The following CALCOCO2 variants were observed in gnomAD, a reference collection of about 807,000 sequenced individuals.
CALCOCO2 encodes the protein calcium-binding and coiled-coil domain-containing protein 2.
In CALCOCO2, 42 loss-of-function variants were observed where a neutral mutation model predicts 62.5. That is an observed-to-expected ratio of 0.67 (90% CI 0.53 to 0.87). CALCOCO2 has a LOEUF of 0.87. Ranked by LOEUF, CALCOCO2 falls within the 40% of genes least tolerant of loss-of-function variation. The pLI, the probability that CALCOCO2 is intolerant of heterozygous loss-of-function variation, is 0.00. For synonymous variants in CALCOCO2, 167 were observed against 173.0 expected (o/e 0.97, Z 0.27); for missense variants, 456 against 515.0 (o/e 0.89, Z 1.11).
At chr17:48,846,415 C>T in intron 2 of CALCOCO2, 8 of 1,031,074 alleles carry the variant, frequency 7.8e-6, no homozygotes, top group Non-Finnish European at 1.2e-5. Context: ...AGTGTATAAT[C>T]CTATGCTTCA....
chr17:48,859,975 T>TC (rs1462755239), intron 10 of CALCOCO2, among the ~76,000 whole-genome samples: 2 of 152,122 alleles, frequency 1.3e-5, no homozygotes, highest in East Asian at 3.9e-4. Flanking sequence ...GTGCCTGTAA[T>TC]CCCAGCTACT....
intron 2 of CALCOCO2, among the ~76,000 whole-genome samples, chr17:48,847,281 G>C (rs745669088): frequency 4.9e-4 from 74 of 152,112 alleles, no homozygotes; most frequent in Non-Finnish European, 8.5e-4. Context: ...TATATGACAA[G>C]GCTTAATTGG....
At chr17:48,850,546 G>T (rs1001851955) in intron 5 of CALCOCO2, among the ~76,000 whole-genome samples, 3 of 152,000 alleles carry the variant, frequency 2.0e-5, no homozygotes, top group African/African-American at 7.2e-5. Flanking sequence ...TTAAAAATGT[G>T]CCTCCTAAGA....
At chr17:48,857,996 ATAG>A (rs376420167) in intron 10 of CALCOCO2, among the ~76,000 whole-genome samples, 2 of 19,858 alleles carry the variant, frequency 1.0e-4, no homozygotes, top group East Asian at 2.0e-3. Context: ...ATAGAATAGA[ATAG>A]AATAGAATAG....
chr17:48,833,016 A>G (rs918896102), intron 1 of CALCOCO2, among the ~76,000 whole-genome samples: 4 of 152,130 alleles, frequency 2.6e-5, no homozygotes, highest in African/African-American at 9.7e-5. Flanking sequence ...ACATTTTCAT[A>G]TTTTAGGTAA....
chr17:48,858,071 G>GAATAGAATAGAATAC (rs1311782459), intron 10 of CALCOCO2, among the ~76,000 whole-genome samples: 2 of 144,944 alleles, frequency 1.4e-5, no homozygotes, highest in South Asian at 2.3e-4. Flanking sequence ...GAATAGAATA[G>GAATAGAATAGAATAC]AATTTTACCA....
At chr17:48,838,800 A>G (rs1248579185) in intron 1 of CALCOCO2, among the ~76,000 whole-genome samples, 1 of 152,152 alleles carries the variant, frequency 6.6e-6, no homozygotes, top group East Asian at 1.9e-4. Flanking sequence ...AATTTGTAAG[A>G]TATTATATAG....
chr17:48,859,870 G>A (rs781085838), intron 10 of CALCOCO2, among the ~76,000 whole-genome samples: 2 of 152,044 alleles, frequency 1.3e-5, no homozygotes, highest in African/African-American at 4.8e-5. Context: ...CAAGGCGGGC[G>A]GATCACTTGT....
At chr17:48,849,402 C>T in intron 5 of CALCOCO2, 25 bp downstream of exon 5, 1 of 1,606,526 alleles carries the variant, frequency 6.2e-7, no homozygotes, top group Non-Finnish European at 8.5e-7. Flanking sequence ...TATAGGTGAC[C>T]TTGGAGCATG....
chr17:48,852,510 A>T lies in CALCOCO2; in HGVS notation c.707A>T (p.Gln236Leu), dbSNP rs780693933. The T allele has an allele frequency of 6.2e-7, 1 of 1,613,086 alleles. No homozygotes were observed. Among genetic ancestry groups the T allele is most frequent in the Non-Finnish European group, 8.5e-7 (1 of 1,179,502 alleles). ...TGTTCACTATTTTTGTTTTAGGCCC[A>T]GCTGTCAACTCAAGAGAAAGAAATG... ...MGIRVDQLQA[Q>L]LSTQEKEMEK... The change falls in exon 8 of 13, where the codon CAG becomes CTG. Residue 236 changes from glutamine (Q) to leucine (L), a missense_variant. Around this residue, in one of 3 missense-constraint regions of CALCOCO2, gnomAD observed 236 missense variants for 225.3 expected, o/e 1.05. Transcript: ENST00000258947.
intron 4 of CALCOCO2, 48 bp downstream of exon 4, chr17:48,848,503 A>G: frequency 6.4e-7 from 1 of 1,553,912 alleles, no homozygotes; most frequent in Non-Finnish European, 8.9e-7. Context: ...TACGGGTAGC[A>G]ATATAGGATA....
rs891545835 is a variant in CALCOCO2 at position 48,863,998 on chromosome 17, T to C, written c.*993T>C. 6.6e-6 allele frequency: 1 copy of C among 151,782 alleles called. No individual in the cohort carries two copies. The highest frequency in any genetic ancestry group is 2.4e-5 in the African/African-American group (1 of 41,260). 9.4% of individuals were successfully genotyped at this position (151,782 alleles called of 1,614,324 possible). A position where few individuals can be genotyped will look rare whatever the true frequency, so the allele number is the denominator to read the frequency against. Reference sequence around the variant, plus strand: ...ATAAAAAAGAGTGTCCTGGCAGTTATCTTGAGGTGGGGAAGGAGGTGATGA... The same window carrying C: ...ATAAAAAAGAGTGTCCTGGCAGTTACCTTGAGGTGGGGAAGGAGGTGATGA... On this transcript the variant is annotated 3_prime_UTR_variant, in exon 13 of 13. Coordinates refer to ENST00000258947, the MANE Select transcript of CALCOCO2 (RefSeq NM_005831.5).
intron 1 of CALCOCO2, among the ~76,000 whole-genome samples, chr17:48,832,982 A>G (rs2039837750): frequency 6.6e-6 from 1 of 152,228 alleles, no homozygotes; most frequent in Non-Finnish European, 1.5e-5. Context: ...CCTGGGGTGT[A>G]AAATTTTTGT....
At chr17:48,845,590 G>A (rs1294172840) in intron 2 of CALCOCO2, among the ~76,000 whole-genome samples, 4 of 151,706 alleles carry the variant, frequency 2.6e-5, no homozygotes, top group Non-Finnish European at 2.9e-5. Context: ...TTAGCCAGGC[G>A]TGGTGGCACA....
At chr17:48,847,597 A>T (rs967788354) in intron 2 of CALCOCO2, 2 of 152,462 alleles carry the variant, frequency 1.3e-5, no homozygotes, top group African/African-American at 4.8e-5. Context: ...ATAAAAAATT[A>T]AAAAAGGTTT....
At chr17:48,855,554 C>G (rs952954988) in intron 9 of CALCOCO2, among the ~76,000 whole-genome samples, 1 of 152,208 alleles carries the variant, frequency 6.6e-6, no homozygotes, top group Non-Finnish European at 1.5e-5. Flanking sequence ...ACCCATCACA[C>G]TGGGTTGCTT....
chr17:48,838,428 A>G (rs1379463665), intron 1 of CALCOCO2, among the ~76,000 whole-genome samples: 4 of 151,930 alleles, frequency 2.6e-5, no homozygotes, highest in Non-Finnish European at 5.9e-5. Context: ...ATAAGACAAC[A>G]TGAGGGGTGG....
chr17:48,860,425 C>CTTGCCTGGATGGG lies in CALCOCO2; in HGVS notation c.1126_1127insGGATGGGTTGCCT (p.Tyr376TrpfsTer33). The CTTGCCTGGATGGG allele has an allele frequency of 6.2e-7, 1 of 1,614,026 alleles. No homozygotes were observed. The highest frequency in any genetic ancestry group is 8.5e-7 in the Non-Finnish European group (1 of 1,179,904). ...AGGAGGCGCAAGACAAAATCCAGGA[C>CTTGCCTGGATGGG]TTGCCTATGGAAACCCATATTCTGG... On this transcript the variant is annotated frameshift_variant, in exon 11 of 13. Transcript: ENST00000258947. LOFTEE classifies it high-confidence loss of function.
chr17:48,844,614 GT>G (rs1398950267), intron 2 of CALCOCO2, among the ~76,000 whole-genome samples: 2 of 151,960 alleles, frequency 1.3e-5, no homozygotes, highest in African/African-American at 4.8e-5. Context: ...CGCCTCCCCA[GT>G]TCAAGCGATT....
Sources: allele counts gnomAD v4.1 joint callset (sites outside exome capture counted in the v4.1 genomes callset), GRCh38; gene constraint gnomAD v4.1.1; regional missense constraint gnomAD v4.1.1; transcripts MANE v1.5; gene names NCBI Gene and HGNC (gene_info 2026-07-23, HGNC 2026-07-21).